The following PPFIBP1 variants were observed in gnomAD, a reference collection of about 807,000 sequenced individuals.
PPFIBP1 encodes the protein liprin-beta-1.
Under a neutral mutation model 137.8 loss-of-function variants are expected in PPFIBP1, and 112 were observed. The ratio of observed to expected loss-of-function variants is 0.81; its 90% CI spans 0.70 to 0.95. The LOEUF is 0.95. PPFIBP1 is among the 40% of genes least tolerant of loss of function. PPFIBP1 has a pLI of 0.00. For synonymous variants in PPFIBP1, 378 were observed against 417.3 expected, an observed-to-expected ratio of 0.91 and a Z score of 1.15; for missense variants, 1,083 against 1,196.6, an observed-to-expected ratio of 0.91 and a Z score of 1.40.
intron 2 of PPFIBP1, among the ~76,000 whole-genome samples, chr12:27,601,239 C>A (rs1307364039): frequency 6.6e-6 from 1 of 152,172 alleles, no homozygotes; most frequent in Non-Finnish European, 1.5e-5. Context: ...AGGAAGTTGC[C>A]TTATTTCAAC....
In PPFIBP1 at chr12:27,687,487, C is replaced by T. The variant is rs138624973; in HGVS notation, c.2350C>T (p.Arg784Trp). 1.6e-3 allele frequency: 2,640 copies of T among 1,613,776 alleles called. 5 individuals carry two copies. The highest frequency in any genetic ancestry group is 4.4e-3 in the Admixed American group (266 of 60,010). Residue 784 changes from arginine to tryptophan, a missense_variant, in exon 25 of 30, where the codon CGG becomes TGG. Physicochemically the swap from Arg to Trp is moderately radical, Grantham distance 101 (BLOSUM62 -3). Transcript: ENST00000228425. ...RINNFEPNCL[R>W]RRPSDENTIA... is the part of the protein sequence containing the mutation. ...CAATAACTTTGAACCAAACTGTCTACGGAGGCGGCCATCTGATGAGGTAGT... is the reference window on the plus strand; with the variant it reads ...CAATAACTTTGAACCAAACTGTCTATGGAGGCGGCCATCTGATGAGGTAGT...
At chr12:27,648,528 A>G (rs569872033) in intron 6 of PPFIBP1, among the ~76,000 whole-genome samples, 6 of 152,352 alleles carry the variant, frequency 3.9e-5, no homozygotes, top group African/African-American at 1.4e-4. Context: ...AAATCAGTAT[A>G]TCGAAGAAAT....
Position 27,576,223 on chromosome 12 carries a change from C to A in PPFIBP1, c.-123-1929C>A, listed in dbSNP as rs150789745. 2.9e-3 allele frequency among the ~76,000 whole-genome samples: 445 copies of A among 151,982 alleles called. 3 individuals carry two copies. Among genetic ancestry groups the A allele is most frequent in the African/African-American group, 0.01 (423 of 41,464 alleles). On this transcript the variant is annotated intron_variant, in intron 1 of 29. Transcript: ENST00000228425. ...ATAGAACATAGGTTTTTGTCTTCTT[C>A]TTCTTTTTAAACTATTCTACTAATT... is the stretch of plus-strand genomic sequence containing the variant.
chr12:27,568,295 A>AT, intron 1 of PPFIBP1, among the ~76,000 whole-genome samples: 1 of 152,258 alleles, frequency 6.6e-6, no homozygotes, highest in South Asian at 2.1e-4. Context: ...CATTAGGGAG[A>AT]TTTTGCTTTT....
chr12:27,553,861 C>T (rs1947026591), intron 1 of PPFIBP1, among the ~76,000 whole-genome samples: 1 of 152,188 alleles, frequency 6.6e-6, no homozygotes, highest in Non-Finnish European at 1.5e-5. Context: ...TCTTTATCTT[C>T]CAATTGAGTA....
intron 4 of PPFIBP1, among the ~76,000 whole-genome samples, chr12:27,641,836 C>T (rs1019039736): frequency 1.3e-5 from 2 of 152,136 alleles, no homozygotes; most frequent in African/African-American, 4.8e-5. Context: ...GGGGGCGGGA[C>T]AATGATCGGG....
At position 27,656,746 on chromosome 12, in the gene PPFIBP1, T is replaced by C; in HGVS notation, c.811+16T>C. ...GTTGATAGAGGTAAGAAGATATATT[T>C]CACATTTATCATCTCATTTTGTTAA... On this transcript the variant is annotated intron_variant, in intron 9 of 29. Transcript: ENST00000228425. The C allele has an allele frequency of 3.4e-6, 5 of 1,471,822 alleles. No individual in the cohort carries two copies. Among genetic ancestry groups the C allele is most frequent in the Non-Finnish European group, 4.7e-6 (5 of 1,055,308 alleles). The allele number at this position is 1,471,822 out of a possible 1,614,324, so 91.2% of individuals were successfully genotyped here. A position where few individuals can be genotyped will look rare whatever the true frequency, so the allele number is the denominator to read the frequency against.
chr12:27,680,870 A>T (rs1209074131), intron 21 of PPFIBP1, among the ~76,000 whole-genome samples: 5 of 152,176 alleles, frequency 3.3e-5, no homozygotes, highest in Non-Finnish European at 4.4e-5. Context: ...CCCCTCCCAT[A>T]CAGGTGGAAC....
chr12:27,550,390 C>T (rs1366805936), intron 1 of PPFIBP1, among the ~76,000 whole-genome samples: 1 of 152,198 alleles, frequency 6.6e-6, no homozygotes, highest in Non-Finnish European at 1.5e-5. Flanking sequence ...AGAATGGATT[C>T]AGGAACTATT....
At chr12:27,534,811 C>G (rs1180273746) in intron 1 of PPFIBP1, among the ~76,000 whole-genome samples, 1 of 152,152 alleles carries the variant, frequency 6.6e-6, no homozygotes, top group East Asian at 1.9e-4. Flanking sequence ...AAATTCTCCT[C>G]CTGATAAGGT....
At chr12:27,677,435 T>G (rs928192540) in intron 19 of PPFIBP1, 1 of 327,346 alleles carries the variant, frequency 3.1e-6, no homozygotes, top group Non-Finnish European at 5.7e-6. Flanking sequence ...TACCACACAC[T>G]AACTCCCAGG....
chr12:27,662,226 T>C (rs988061315), intron 11 of PPFIBP1, among the ~76,000 whole-genome samples: 3 of 152,194 alleles, frequency 2.0e-5, no homozygotes, highest in Non-Finnish European at 4.4e-5. Context: ...TCAAAACTTG[T>C]CTCGAGACCA....
chr12:27,566,721 A>G (rs1013571634), intron 1 of PPFIBP1, among the ~76,000 whole-genome samples: 10 of 152,192 alleles, frequency 6.6e-5, no homozygotes, highest in African/African-American at 2.4e-4. Flanking sequence ...GAATTATGGA[A>G]TCTCCATTTT....
chr12:27,622,968 C>G (rs2056470768), intron 2 of PPFIBP1, among the ~76,000 whole-genome samples: 1 of 152,156 alleles, frequency 6.6e-6, no homozygotes, highest in East Asian at 1.9e-4. Flanking sequence ...TTAGAAGGTG[C>G]TCATGTATAG....
At chr12:27,666,608 G>A (rs2059872820) in intron 12 of PPFIBP1, among the ~76,000 whole-genome samples, 1 of 152,118 alleles carries the variant, frequency 6.6e-6, no homozygotes, top group East Asian at 1.9e-4. Context: ...GTGAATATGT[G>A]GTTGGTTTTT....
In PPFIBP1 at chr12:27,611,040, C is replaced by T. The variant is rs539175379; in HGVS notation, c.-35-22322C>T. Reference sequence around the variant, plus strand: ...TGGAGGTCATTGCCAGATCTCTCAGCAGGAACAGAATTTGAATCTGGGAGC... The same window carrying T: ...TGGAGGTCATTGCCAGATCTCTCAGTAGGAACAGAATTTGAATCTGGGAGC... On this transcript the variant is annotated intron_variant, in intron 2 of 29. Transcript: ENST00000228425. Among the ~76,000 whole-genome samples the T allele has an allele frequency of 2.6e-4, 39 of 152,238 alleles. 1 individual carries two copies. In the East Asian group the frequency reaches 5.6e-3, roughly 22 times the overall value.
At chr12:27,606,101 A>G (rs1310716598) in intron 2 of PPFIBP1, among the ~76,000 whole-genome samples, 2 of 152,228 alleles carry the variant, frequency 1.3e-5, no homozygotes, top group African/African-American at 2.4e-5. Context: ...ATTAATAAGA[A>G]AAGGATTTGC....
At chr12:27,679,054 G>A (rs2060726671) in intron 19 of PPFIBP1, among the ~76,000 whole-genome samples, 1 of 151,916 alleles carries the variant, frequency 6.6e-6, no homozygotes, top group Non-Finnish European at 1.5e-5. Context: ...ATCTTAAAGT[G>A]GCATGGGGGA....
chr12:27,641,292 G>T (rs1428525742), intron 4 of PPFIBP1, among the ~76,000 whole-genome samples: 3 of 152,204 alleles, frequency 2.0e-5, no homozygotes, highest in Admixed American at 6.5e-5. Flanking sequence ...CTGCTTGTAT[G>T]TTGATTTTGG....
Sources: gnomAD v4.1 joint callset for allele counts (sites outside exome capture counted in the v4.1 genomes callset) on GRCh38, gnomAD v4.1.1 for gene constraint, MANE v1.5 for transcripts, NCBI Gene and HGNC (gene_info 2026-07-23, HGNC 2026-07-21) for gene names.